Variants in MUCL1 observed in about 807,000 individuals in gnomAD.
MUCL1 encodes mucin-like protein 1.
A neutral mutation model predicts 9.2 loss-of-function variants in MUCL1; 11 were observed. The ratio of observed to expected loss-of-function variants is 1.19; its 90% CI spans 0.75 to 1.97. The LOEUF is 1.97. Among genes scored for constraint, MUCL1 ranks in the 30% most tolerant of loss-of-function variants. The pLI, the probability that MUCL1 is intolerant of heterozygous loss-of-function variation, is 0.00. For synonymous variants in MUCL1, 48 were observed against 40.5 expected, an observed-to-expected ratio of 1.19 and a Z score of -0.71; for missense variants, 144 against 110.9, an observed-to-expected ratio of 1.30 and a Z score of -1.34.
chr12:54,840,633 C>T (rs1198077205), intron 1 of MUCL1, among the ~76,000 whole-genome samples: 1 of 152,136 alleles, frequency 6.6e-6, no homozygotes, highest in East Asian at 1.9e-4. Flanking sequence ...AGGGGAAAAG[C>T]CAGGTTATGG....
chr12:54,840,344 C>G (rs984053855), intron 1 of MUCL1, among the ~76,000 whole-genome samples: 2 of 152,212 alleles, frequency 1.3e-5, no homozygotes, highest in Admixed American at 1.3e-4. Flanking sequence ...ACCTCCTGCT[C>G]AGCCAGAGTG....
At chr12:54,856,084 T>A (rs575680708) in intron 2 of MUCL1, among the ~76,000 whole-genome samples, 1 of 149,284 alleles carries the variant, frequency 6.7e-6, no homozygotes, top group African/African-American at 2.4e-5. Context: ...TCTTACCCAG[T>A]CCCCTTTGTA....
chr12:54,854,998 C>T (rs1868288458), intron 1 of MUCL1, 118 bp from the exon 2 acceptor site: 5 of 819,190 alleles, frequency 6.1e-6, no homozygotes, highest in East Asian at 5.3e-5. Flanking sequence ...TCAACTGGTA[C>T]ACCAAGGACT....
intron 1 of MUCL1, among the ~76,000 whole-genome samples, chr12:54,840,855 C>T (rs1361528821): frequency 1.3e-5 from 2 of 152,168 alleles, no homozygotes; most frequent in Non-Finnish European, 2.9e-5. Context: ...CAAAGCAGGC[C>T]TCATACCTGC....
chr12:54,847,778 TATTTA>T (rs1959277977), intron 1 of MUCL1, among the ~76,000 whole-genome samples: 1 of 152,172 alleles, frequency 6.6e-6, no homozygotes, highest in South Asian at 2.1e-4. Context: ...CCTGAAGATG[TATTTA>T]ATTTGAGATT....
chr12:54,839,299 G>T, upstream of MUCL1: 1 of 692,014 alleles, frequency 1.4e-6, no homozygotes, highest in South Asian at 1.5e-5. Flanking sequence ...TGGTGGGGGT[G>T]TCTTGAAGCT....
At chr12:54,834,051 A>G (rs1959189090) in intron 1 of MUCL1, among the ~76,000 whole-genome samples, 1 of 152,066 alleles carries the variant, frequency 6.6e-6, no homozygotes, top group Non-Finnish European at 1.5e-5. Context: ...TTGAATAGTG[A>G]TTTGGATGTA....
chr12:54,849,811 A>C (rs1331754898), upstream of MUCL1, among the ~76,000 whole-genome samples: 1 of 152,176 alleles, frequency 6.6e-6, no homozygotes, highest in African/African-American at 2.4e-5. Context: ...ATCCCTCTTA[A>C]AGTGATAATA....
chr12:54,839,353 T>C (rs1192962398), upstream of MUCL1: 4 of 700,836 alleles, frequency 5.7e-6, no homozygotes, highest in Non-Finnish European at 7.8e-6. Flanking sequence ...TTATTAATTT[T>C]CTCCCTCAGT....
intron 3 of MUCL1, among the ~76,000 whole-genome samples, 173 bp downstream of exon 3, chr12:54,857,065 G>T (rs1458178749): frequency 1.3e-5 from 2 of 151,994 alleles, no homozygotes; most frequent in African/African-American, 4.8e-5. Flanking sequence ...GAGGAGTCAG[G>T]AGGTTACCTG....
upstream of MUCL1, among the ~76,000 whole-genome samples, chr12:54,851,546 A>G (rs1404450335): frequency 4.0e-5 from 6 of 150,978 alleles, no homozygotes; most frequent in South Asian, 6.3e-4. Context: ...ACCCACAGCC[A>G]ATATCATACT....
At chr12:54,842,848 A>C (rs1251975883) in intron 1 of MUCL1, among the ~76,000 whole-genome samples, 2 of 152,118 alleles carry the variant, frequency 1.3e-5, no homozygotes, top group Non-Finnish European at 2.9e-5. Context: ...ATATACAGTC[A>C]TGCACCATGC....
At chr12:54,855,204 T>G in intron 2 of MUCL1, 47 bp downstream of exon 2, 1 of 1,571,848 alleles carries the variant, frequency 6.4e-7, no homozygotes, top group Non-Finnish European at 8.8e-7. Flanking sequence ...TAACCATTTT[T>G]CACTTCCAGC....
intron 1 of MUCL1, among the ~76,000 whole-genome samples, chr12:54,840,697 A>G (rs1959206430): frequency 2.0e-5 from 3 of 152,070 alleles, no homozygotes; most frequent in African/African-American, 7.2e-5. Flanking sequence ...ATAAGCAGTG[A>G]CTCCAGTGGG....
intron 1 of MUCL1, among the ~76,000 whole-genome samples, chr12:54,831,157 T>C (rs1318323466): frequency 2.6e-5 from 4 of 152,182 alleles, no homozygotes; most frequent in Non-Finnish European, 5.9e-5. Context: ...GTCTGTATAT[T>C]TCTGTATGTG....
At chr12:54,845,942 C>T (rs1161253215) in intron 1 of MUCL1, among the ~76,000 whole-genome samples, 1 of 152,112 alleles carries the variant, frequency 6.6e-6, no homozygotes, top group Non-Finnish European at 1.5e-5. Flanking sequence ...CAATCAGGTT[C>T]AAGATCATAT....
At chr12:54,849,911 G>A (rs905464321), upstream of MUCL1, among the ~76,000 whole-genome samples, 57 of 152,180 alleles carry the variant, frequency 3.7e-4, no homozygotes, top group Non-Finnish European at 1.8e-4. Context: ...AGGCCCCACG[G>A]GGCTCCCCTA....
At chr12:54,838,400 T>C (rs944878560), upstream of MUCL1, among the ~76,000 whole-genome samples, 4 of 152,198 alleles carry the variant, frequency 2.6e-5, no homozygotes, top group African/African-American at 9.6e-5. Context: ...CTGATGACTA[T>C]ATGTCTTGGT....
At chr12:54,845,502 A>C (rs1959242087) in intron 1 of MUCL1, among the ~76,000 whole-genome samples, 1 of 152,198 alleles carries the variant, frequency 6.6e-6, no homozygotes, top group Admixed American at 6.5e-5. Context: ...GTTCTGCAAC[A>C]AAACAAGGCA....
Sources: allele counts gnomAD v4.1 joint callset (sites outside exome capture counted in the v4.1 genomes callset), GRCh38; gene constraint gnomAD v4.1.1; transcripts MANE v1.5; gene names NCBI Gene and HGNC (gene_info 2026-07-23, HGNC 2026-07-21).